Variants in RELB observed in about 807,000 individuals in gnomAD.
RELB encodes the protein transcription factor RelB.
RELB carries 14 observed loss-of-function variants against 55.4 expected under a neutral mutation model. The ratio of observed to expected loss-of-function variants is 0.25; its 90% confidence interval spans 0.17 to 0.40. The LOEUF is 0.40. RELB is among the 10% of genes least tolerant of loss of function. The pLI, the probability that RELB is intolerant of heterozygous loss-of-function variation, is 1.00. For synonymous variants in RELB, 409 were observed against 371.3 expected, an observed-to-expected ratio of 1.10 and a Z score of -1.17; for missense variants, 669 against 830.7, an observed-to-expected ratio of 0.81 and a Z score of 2.39.
At chr19:45,025,760 G>T in intron 7 of RELB, 23 bp downstream of exon 7, 1 of 1,613,546 alleles carries the variant, frequency 6.2e-7, no homozygotes, top group Non-Finnish European at 8.5e-7. Flanking sequence ...TGCTGTGGCC[G>T]TTAGGATTGC....
intron 8 of RELB, among the ~76,000 whole-genome samples, chr19:45,029,561 A>C (rs1446092859): frequency 6.6e-6 from 1 of 151,862 alleles, no homozygotes; most frequent in Non-Finnish European, 1.5e-5. Flanking sequence ...AAAAATACAA[A>C]AATGAGGGCT....
At chr19:45,020,866 A>AGG (rs1039670070) in intron 4 of RELB, among the ~76,000 whole-genome samples, 22 of 151,948 alleles carry the variant, frequency 1.4e-4, no homozygotes, top group African/African-American at 5.3e-4. Flanking sequence ...CATGGCACCC[A>AGG]TCTTTATAGT....
intron 1 of RELB, among the ~76,000 whole-genome samples, chr19:45,002,478 G>A (rs1302785449): frequency 3.9e-5 from 6 of 152,036 alleles, no homozygotes; most frequent in Admixed American, 6.6e-5. Context: ...TCAGCCCCCC[G>A]AGTAGCTGGA....
At chr19:45,030,266 A>G (rs901861735) in intron 8 of RELB, among the ~76,000 whole-genome samples, 20 of 152,138 alleles carry the variant, frequency 1.3e-4, no homozygotes, top group Admixed American at 1.2e-3. Flanking sequence ...TGAGCCCAGG[A>G]GTTTGAGTCC....
At chr19:45,031,393 G>A (rs1392851090) in intron 8 of RELB, among the ~76,000 whole-genome samples, 1 of 152,110 alleles carries the variant, frequency 6.6e-6, no homozygotes, top group African/African-American at 2.4e-5. Context: ...CCAAAGGGCT[G>A]GGATTACAGG....
At chr19:45,030,004 C>CA (rs966083416) in intron 8 of RELB, among the ~76,000 whole-genome samples, 1 of 151,852 alleles carries the variant, frequency 6.6e-6, no homozygotes, top group Non-Finnish European at 1.5e-5. Context: ...CCTGTCTCTA[C>CA]AAAAAATAAA....
intron 1 of RELB, 92 bp from the exon 2 acceptor site, chr19:45,002,857 C>A: frequency 9.3e-7 from 1 of 1,071,952 alleles, no homozygotes; most frequent in Non-Finnish European, 1.4e-6. Context: ...AGGGGAAGGG[C>A]TAGAAGAGGA....
At position 45,012,172 on chromosome 19, in the gene RELB, A is replaced by G; in HGVS notation, c.400A>G (p.Lys134Glu). Residue 134 changes from lysine to glutamate, a missense_variant, in exon 4 of 12, where the codon AAG (lysine) becomes GAG (glutamate). Transcript: ENST00000221452. Reference sequence around the variant, plus strand: ...GCACCTGGTCATCACGGAGCAGCCCAAGCAGCGCGGCATGCGCTTCCGCTA... The same window carrying G: ...GCACCTGGTCATCACGGAGCAGCCCGAGCAGCGCGGCATGCGCTTCCGCTA... The part of the protein sequence containing the change: ...QPHLVITEQP[K>E]QRGMRFRYEC... 1 of 1,556,842 alleles carries G rather than the reference A, an allele frequency of 6.4e-7. No individual in the cohort carries two copies. Among genetic ancestry groups the G allele is most frequent in the Admixed American group, 2.0e-5 (1 of 49,686 alleles).
intron 4 of RELB, among the ~76,000 whole-genome samples, chr19:45,016,004 T>C (rs945282873): frequency 6.8e-6 from 1 of 147,114 alleles, no homozygotes; most frequent in Non-Finnish European, 1.5e-5. Context: ...TATTTTATTA[T>C]TATTTTTTTT....
chr19:45,014,868 A>G (rs1218903928), intron 4 of RELB, among the ~76,000 whole-genome samples: 3 of 150,178 alleles, frequency 2.0e-5, no homozygotes, highest in Non-Finnish European at 4.4e-5. Flanking sequence ...ATGCCTAACC[A>G]TAGGGAATGA....
chr19:45,024,670 C>A (rs1380153117), intron 5 of RELB, among the ~76,000 whole-genome samples: 2 of 152,090 alleles, frequency 1.3e-5, no homozygotes, highest in Non-Finnish European at 2.9e-5. Flanking sequence ...CTGCCTCAGC[C>A]TCCTGAGTAG....
chr19:45,013,624 G>C (rs966201787), intron 4 of RELB, among the ~76,000 whole-genome samples: 15 of 151,878 alleles, frequency 9.9e-5, no homozygotes, highest in Non-Finnish European at 2.1e-4. Flanking sequence ...CCTGAGGTCG[G>C]GAGTTCGAGA....
intron 2 of RELB, chr19:45,008,510 G>T: frequency 2.2e-6 from 1 of 456,278 alleles, no homozygotes; most frequent in South Asian, 1.5e-5. Flanking sequence ...AGTGACTTGA[G>T]GTTGGCCCTG....
Position 45,037,956 on chromosome 19 carries a change from G to A in RELB, c.*166G>A, listed in dbSNP as rs145980812. 212 of 629,144 alleles carry A rather than the reference G, an allele frequency of 3.4e-4. No individual in the cohort carries two copies. Among genetic ancestry groups the A allele is most frequent in the Non-Finnish European group, 4.9e-4 (204 of 415,228 alleles). 39.0% of individuals were successfully genotyped at this position (629,144 alleles called of 1,614,324 possible). On this transcript the variant is annotated 3_prime_UTR_variant, in exon 12 of 12. Coordinates refer to ENST00000221452, the MANE Select transcript of RELB (RefSeq NM_006509.4). ...CTCCGTTGCACGGGTTTCCCCTTGA[G>A]CCCATTTTACAGATGAGGAAACTGA...
intron 1 of RELB, among the ~76,000 whole-genome samples, chr19:45,001,908 G>C (rs1971215860): frequency 6.6e-6 from 1 of 151,954 alleles, no homozygotes; most frequent in African/African-American, 2.4e-5. Flanking sequence ...TAGAGTGAGA[G>C]GGGGCGGGGC....
Position 45,012,099 on chromosome 19 carries a change from C to T in RELB, c.327C>T (p.Cys109=), listed in dbSNP as rs769869548. The T allele has an allele frequency of 2.6e-6, 4 of 1,550,010 alleles. No homozygotes were observed. The highest frequency in any genetic ancestry group is 4.1e-5 in the Admixed American group (2 of 49,274). ...CAGCCACGCCGCCGCCTTGGGGCTGCCCCCTGGGCCGACTAGTGTCCCCAG... is the reference window on the plus strand; with the variant it reads ...CAGCCACGCCGCCGCCTTGGGGCTGTCCCCTGGGCCGACTAGTGTCCCCAG... ...APPATPPPWG[C]PLGRLVSPAP... The change falls in exon 4 of 12, where the codon TGC becomes TGT. Residue 109 remains cysteine (C), a synonymous_variant. Coordinates refer to ENST00000221452, the MANE Select transcript of RELB (RefSeq NM_006509.4).
intron 2 of RELB, among the ~76,000 whole-genome samples, chr19:45,006,020 C>T (rs1971277741): frequency 6.6e-6 from 1 of 152,186 alleles, no homozygotes; most frequent in African/African-American, 2.4e-5. Flanking sequence ...TGGCCTTGTG[C>T]CGAGCAGTGC....
At chr19:45,002,909 GC>G (rs1431650171) in intron 1 of RELB, 39 bp from the exon 2 acceptor site, 2 of 1,576,946 alleles carry the variant, frequency 1.3e-6, no homozygotes, top group African/African-American at 1.4e-5. Context: ...TCCTCTGGCT[GC>G]CCCCCATCAC....
chr19:45,027,513 A>G (rs192865590), intron 7 of RELB, among the ~76,000 whole-genome samples: 1 of 152,220 alleles, frequency 6.6e-6, no homozygotes, highest in Non-Finnish European at 1.5e-5. Context: ...AGCTTTGCTT[A>G]AAGTCTCAGG....
Sources: allele counts gnomAD v4.1 joint callset (sites outside exome capture counted in the v4.1 genomes callset), GRCh38; gene constraint gnomAD v4.1.1; transcripts MANE v1.5; gene names NCBI Gene and HGNC (gene_info 2026-07-23, HGNC 2026-07-21).